GDF5: variants seen among roughly 807,000 people sequenced by gnomAD.
The protein encoded by GDF5 is growth differentiation factor 5.
Under a neutral mutation model 34.6 loss-of-function variants are expected in GDF5, and 17 were observed. The ratio of observed to expected loss-of-function variants is 0.49; its 90% CI spans 0.34 to 0.74. The LOEUF (loss-of-function observed/expected upper bound fraction) is 0.74. Among genes scored for constraint, GDF5 ranks in the 30% least tolerant of loss-of-function variants. The pLI is 0.01. For synonymous variants in GDF5, 332 were observed against 290.7 expected, an observed-to-expected ratio of 1.14 and a Z score of -1.44; for missense variants, 616 against 661.2, an observed-to-expected ratio of 0.93 and a Z score of 0.75.
At position 35,434,707 on chromosome 20, in the gene GDF5, C is replaced by T; in HGVS notation, c.708G>A (p.Gly236=). ...ISALEKDGLL[G]AELRILRKKP... is the part of the protein sequence containing the mutation. ...TCTTCCGCAAGATCCGCAGCTCGGC[C>T]CCCAGCAGCCCATCCTTCTCCAGGG... The change falls in exon 2 of 2, where the codon GGG becomes GGA. Residue 236 remains glycine (G), a synonymous_variant. Transcript: ENST00000374369. 6.2e-7 allele frequency: 1 copy of T among 1,612,208 alleles called. No individual in the cohort carries two copies. The highest frequency in any genetic ancestry group is 8.5e-7 in the Non-Finnish European group (1 of 1,179,850).
At chr20:35,453,244 C>G (rs1037574494) in intron 1 of GDF5, among the ~76,000 whole-genome samples, 2 of 151,908 alleles carry the variant, frequency 1.3e-5, no homozygotes, top group African/African-American at 2.4e-5. Flanking sequence ...AGCAAGACCC[C>G]GTCTCAAAAA....
Position 35,433,973 on chromosome 20 carries a change from G to A in GDF5, c.1442C>T (p.Ser481Phe). ...CTGCTTATACACCACGTTGTTGGCA[G>A]AGTCAATGAAGAGGATGCTGATGGG... is the stretch of plus-strand genomic sequence containing the variant. ...LSPISILFID[S>F]ANNVVYKQYE... The change falls in exon 2 of 2, where the codon TCT (serine) becomes TTT (phenylalanine). Residue 481 changes from serine to phenylalanine, a missense_variant. Transcript: ENST00000374369. 10 of 1,614,060 alleles carry A rather than the reference G, an allele frequency of 6.2e-6. No homozygotes were observed. The highest frequency in any genetic ancestry group is 8.5e-6 in the Non-Finnish European group (10 of 1,179,908).
At chr20:35,448,448 C>CTTTTT (rs34209210) in intron 1 of GDF5, among the ~76,000 whole-genome samples, 67 of 86,758 alleles carry the variant, frequency 7.7e-4, no homozygotes, top group African/African-American at 9.1e-4. Context: ...GCCCCCCCGA[C>CTTTTT]TTTTTTTTTT....
chr20:35,437,888 A>G lies in GDF5; in HGVS notation c.41T>C (p.Leu14Pro). ...PKLLTFLLWY[L>P]AWLDLEFICT... ...GATGAATTCCAGGTCCAGCCAAGCCAGGTACCAAAGCAAGAAAGTGAGGAG... is the reference window on the plus strand; with the variant it reads ...GATGAATTCCAGGTCCAGCCAAGCCGGGTACCAAAGCAAGAAAGTGAGGAG... Residue 14 changes from leucine to proline, a missense_variant, in exon 1 of 2, where the codon CTG becomes CCG. By Grantham distance (98) the Leu-to-Pro change is moderately conservative (BLOSUM62 -3). Coordinates refer to ENST00000374369, the MANE Select transcript of GDF5 (RefSeq NM_000557.5). 1 of 1,613,942 alleles carries G rather than the reference A, an allele frequency of 6.2e-7. No individual in the cohort carries two copies. The highest frequency in any genetic ancestry group is 1.3e-5 in the African/African-American group (1 of 75,056).
intron 1 of GDF5, among the ~76,000 whole-genome samples, chr20:35,454,480 A>G (rs988117270): frequency 6.6e-6 from 1 of 152,232 alleles, no homozygotes; most frequent in South Asian, 2.1e-4. Flanking sequence ...TTTATACACA[A>G]AATGCTACAG....
chr20:35,434,406 G>T lies in GDF5; in HGVS notation c.1009C>A (p.His337Asn). The change falls in exon 2 of 2, where the codon CAC (histidine) becomes AAC (asparagine). Residue 337 changes from histidine (H) to asparagine (N), a missense_variant. His to Asn is a moderately conservative substitution (Grantham distance 68). Transcript: ENST00000374369. ...LGFDRAARQV[H>N]EKALFLVFGR... is the part of the protein sequence containing the mutation. ...AACACCAGGAACAGGGCTTTCTCGT[G>T]GACCTGCCGGGCGGCGCGGTCGAAG... is the stretch of plus-strand genomic sequence containing the variant. 6.2e-7 allele frequency: 1 copy of T among 1,613,644 alleles called. No individual in the cohort carries two copies. The highest frequency in any genetic ancestry group is 1.1e-5 in the South Asian group (1 of 91,086).
At chr20:35,439,908 C>CTTTTTT (rs34397706), upstream of GDF5, among the ~76,000 whole-genome samples, 17 of 71,678 alleles carry the variant, frequency 2.4e-4, 1 homozygote, top group African/African-American at 3.3e-4. Flanking sequence ...AGGCTTCCTT[C>CTTTTTT]TTTTTTTTTT....
intron 1 of GDF5, 80 bp downstream of exon 1, chr20:35,437,218 G>T: frequency 9.7e-7 from 1 of 1,034,372 alleles, no homozygotes; most frequent in Non-Finnish European, 1.5e-6. Flanking sequence ...CACCAGGGCA[G>T]TGCCAGGGCT....
chr20:35,446,330 A>C (rs2062514125), intron 1 of GDF5, among the ~76,000 whole-genome samples: 1 of 152,192 alleles, frequency 6.6e-6, no homozygotes, highest in Non-Finnish European at 1.5e-5. Flanking sequence ...AACAAAAAAA[A>C]ACTTGTATCA....
chr20:35,454,185 G>A (rs2062554261), intron 1 of GDF5: 1 of 370,498 alleles, frequency 2.7e-6, no homozygotes, highest in Non-Finnish European at 5.5e-6. Flanking sequence ...CGGGCGCGGT[G>A]GCTCACGCCT....
upstream of GDF5, among the ~76,000 whole-genome samples, chr20:35,439,296 C>T (rs902587090): frequency 6.8e-6 from 1 of 146,398 alleles, no homozygotes; most frequent in Non-Finnish European, 1.5e-5. Context: ...GGCATGATCT[C>T]AGCTCACTGC....
At chr20:35,446,302 C>A (rs1399418789) in intron 1 of GDF5, among the ~76,000 whole-genome samples, 2 of 152,052 alleles carry the variant, frequency 1.3e-5, no homozygotes, top group African/African-American at 4.8e-5. Context: ...AAGAGCGAAA[C>A]TCCGTCTCAA....
chr20:35,443,483 T>C (rs1313968518), intron 1 of GDF5, among the ~76,000 whole-genome samples: 2 of 150,780 alleles, frequency 1.3e-5, no homozygotes, highest in Non-Finnish European at 2.9e-5. Flanking sequence ...AAACCATCCT[T>C]ATAAAGTCAG....
In GDF5 at chr20:35,437,743, A is replaced by AC; in HGVS notation, c.185dup (p.His63SerfsTer31). On this transcript the variant is annotated frameshift_variant, in exon 1 of 2. Transcript: ENST00000374369. LOFTEE classifies it high-confidence loss of function. ...TGGTGGCCCCCCCACCATAGCTGTG[A>AC]CCCCCTGGCCTGAAGACGTTCCGGG... 6.2e-7 allele frequency: 1 copy of AC among 1,611,640 alleles called. No homozygotes were observed. The highest frequency in any genetic ancestry group is 8.5e-7 in the Non-Finnish European group (1 of 1,179,270).
intron 1 of GDF5, among the ~76,000 whole-genome samples, chr20:35,452,355 C>A (rs1012131875): frequency 2.6e-5 from 4 of 152,152 alleles, no homozygotes; most frequent in African/African-American, 7.2e-5. Context: ...GAATGAATCC[C>A]CCTTTACAAA....
At chr20:35,438,853 G>GTGTTTATGTGTGCC (rs2062487355), upstream of GDF5, among the ~76,000 whole-genome samples, 12 of 24,174 alleles carry the variant, frequency 5.0e-4, no homozygotes, top group African/African-American at 9.4e-4. Context: ...GTGTGTGTGT[G>GTGTTTATGTGTGCC]TGTGTGTTTA....
chr20:35,444,559 T>G (rs181317530), intron 1 of GDF5, among the ~76,000 whole-genome samples: 1 of 152,230 alleles, frequency 6.6e-6, no homozygotes, highest in Admixed American at 6.5e-5. Context: ...TGTATGGCCT[T>G]ATAAGCCCTG....
At chr20:35,450,362 C>T (rs1414699161) in intron 1 of GDF5, among the ~76,000 whole-genome samples, 1 of 151,626 alleles carries the variant, frequency 6.6e-6, no homozygotes, top group Non-Finnish European at 1.5e-5. Flanking sequence ...CGTTTTGGTG[C>T]TCCAGACTGT....
chr20:35,447,547 G>A (rs1262791734), intron 1 of GDF5, among the ~76,000 whole-genome samples: 3 of 152,030 alleles, frequency 2.0e-5, no homozygotes, highest in Admixed American at 6.6e-5. Context: ...TGTGGGTAGA[G>A]GGGTGTGAAT....
Sources: allele counts gnomAD v4.1 joint callset (sites outside exome capture counted in the v4.1 genomes callset), GRCh38; gene constraint gnomAD v4.1.1; transcripts MANE v1.5; gene names NCBI Gene and HGNC (gene_info 2026-07-23, HGNC 2026-07-21).